The following BMP5 variants were observed in gnomAD, a reference collection of about 807,000 sequenced individuals.
The protein encoded by BMP5 is bone morphogenetic protein 5.
Under a neutral mutation model 46.6 loss-of-function variants are expected in BMP5, and 23 were observed. That is an observed-to-expected ratio of 0.49 (90% CI 0.35 to 0.70). The LOEUF is 0.70. BMP5 is among the 30% of genes least tolerant of loss of function. BMP5 has a pLI of 0.00. For missense variants in BMP5, 545 were observed against 565.6 expected (o/e 0.96, Z 0.37); for synonymous variants, 204 against 191.9 (o/e 1.06, Z -0.52).
intron 1 of BMP5, among the ~76,000 whole-genome samples, chr6:55,871,920 T>G (rs1245001356): frequency 6.6e-6 from 1 of 151,844 alleles, no homozygotes; most frequent in Non-Finnish European, 1.5e-5. Context: ...TATATGCATG[T>G]CTTTTAAGAC....
intron 1 of BMP5, among the ~76,000 whole-genome samples, chr6:55,853,180 A>G (rs192948542): frequency 1.6e-4 from 21 of 131,712 alleles, no homozygotes; most frequent in East Asian, 1.2e-3. Flanking sequence ...AATAAAATAA[A>G]ATAAAATAAA....
chr6:55,865,265 A>G, intron 1 of BMP5: 1 of 327,894 alleles, frequency 3.0e-6, no homozygotes, highest in Non-Finnish European at 5.9e-6. Context: ...TAGACTGTCC[A>G]TGTCTTTACA....
intron 1 of BMP5, among the ~76,000 whole-genome samples, chr6:55,856,480 G>A (rs1021471677): frequency 3.3e-5 from 5 of 152,090 alleles, no homozygotes; most frequent in Non-Finnish European, 5.9e-5. Flanking sequence ...GTATTATTTT[G>A]CATACCTACC....
chr6:55,805,719 C>G (rs1015230651), intron 2 of BMP5, among the ~76,000 whole-genome samples: 1 of 152,168 alleles, frequency 6.6e-6, no homozygotes, highest in African/African-American at 2.4e-5. Flanking sequence ...CACATCCTCA[C>G]CAGCATCTAT....
rs147383812 is a variant in BMP5, at chr6:55,796,486, T to A, written c.684-2059A>T. On this transcript the variant is annotated intron_variant, in intron 2 of 6. Transcript: ENST00000370830. Reference sequence around the variant, plus strand: ...ATATATATATTTTTTTCTTATGGAATTTGTATTTTTTTTCTTTTTTTTTAT... The same window carrying A: ...ATATATATATTTTTTTCTTATGGAAATTGTATTTTTTTTCTTTTTTTTTAT... 1.2e-4 allele frequency among the ~76,000 whole-genome samples: 18 copies of A among 151,950 alleles called. No individual in the cohort carries two copies. The East Asian group carries it at 3.5e-3, about 29-fold the overall frequency.
At chr6:55,849,684 A>G (rs1192370960) in intron 1 of BMP5, among the ~76,000 whole-genome samples, 1 of 152,112 alleles carries the variant, frequency 6.6e-6, no homozygotes, top group Non-Finnish European at 1.5e-5. Flanking sequence ...GAATTTTATT[A>G]TATGTAAGAT....
At chr6:55,815,150 AAAG>A (rs1330057319) in intron 2 of BMP5, among the ~76,000 whole-genome samples, 3 of 151,788 alleles carry the variant, frequency 2.0e-5, no homozygotes, top group African/African-American at 7.3e-5. Context: ...AAAAAAAAAA[AAAG>A]AATTGAATTA....
At chr6:55,798,776 A>G (rs1775776053) in intron 2 of BMP5, among the ~76,000 whole-genome samples, 1 of 152,218 alleles carries the variant, frequency 6.6e-6, no homozygotes, top group Non-Finnish European at 1.5e-5. Flanking sequence ...CCAGAAGTTT[A>G]AACATGTCTA....
rs188879027 is a variant in BMP5, at chr6:55,799,651, G to A, written c.684-5224C>T. ...TCCTTGTGTAAGAGCAGGTACTTACGCAAATTCTGCCTTTAGGTCAAACAA... is the reference window on the plus strand; with the variant it reads ...TCCTTGTGTAAGAGCAGGTACTTACACAAATTCTGCCTTTAGGTCAAACAA... On this transcript the variant is annotated intron_variant, in intron 2 of 6. Transcript: ENST00000370830. Among the ~76,000 whole-genome samples the A allele has an allele frequency of 1.6e-3, 243 of 152,124 alleles. 1 individual carries two copies. The highest frequency in any genetic ancestry group is 6.8e-3 in the Middle Eastern group (2 of 294).
At position 55,771,807 on chromosome 6, in the gene BMP5, CCTT is replaced by C. The variant is rs1775053577; in HGVS notation, c.1027+2239_1027+2241del. On this transcript the variant is annotated intron_variant, in intron 4 of 6. Transcript: ENST00000370830. ...TCCCTAACTCCATCCCCATCCCACC[CCTT>C]CTTATCCATAGAGCCTTTGCACAAT... Among the ~76,000 whole-genome samples, 4 of 151,838 alleles carry C rather than the reference CCTT, an allele frequency of 2.6e-5. No individual in the cohort carries two copies. The South Asian group carries it at 8.3e-4, about 31-fold the overall frequency.
At chr6:55,822,060 G>A (rs1776422076) in intron 1 of BMP5, among the ~76,000 whole-genome samples, 1 of 152,034 alleles carries the variant, frequency 6.6e-6, no homozygotes, top group African/African-American at 2.4e-5. Context: ...AGCCTACAAG[G>A]TAGGTTCTCT....
In BMP5 at chr6:55,853,422, A is replaced by AT. The variant is rs542437027; in HGVS notation, c.490+20953dup. Among the ~76,000 whole-genome samples, 70 of 145,984 alleles carry AT rather than the reference A, an allele frequency of 4.8e-4. 1 individual carries two copies. In the East Asian group the frequency reaches 0.013, roughly 28 times the overall value. ...TTTTATTGCATGCCATTAATCTCCTATTAACATCATTGCTGTACCAAGGTT... is the reference window on the plus strand; with the variant it reads ...TTTTATTGCATGCCATTAATCTCCTATTTAACATCATTGCTGTACCAAGGTT... On this transcript the variant is annotated intron_variant, in intron 1 of 6. Transcript: ENST00000370830.
intron 2 of BMP5, among the ~76,000 whole-genome samples, chr6:55,809,284 G>A (rs549193967): frequency 6.6e-6 from 1 of 152,224 alleles, no homozygotes; most frequent in African/African-American, 2.4e-5. Context: ...TATATGAGTT[G>A]TATGCATTAT....
chr6:55,805,982 G>A (rs185270409), intron 2 of BMP5, among the ~76,000 whole-genome samples: 6 of 152,118 alleles, frequency 3.9e-5, no homozygotes, highest in Admixed American at 1.3e-4. Context: ...TTCATCAGAT[G>A]AGTAGAATAC....
At chr6:55,834,031 A>T (rs961437116) in intron 1 of BMP5, among the ~76,000 whole-genome samples, 1 of 152,196 alleles carries the variant, frequency 6.6e-6, no homozygotes, top group African/African-American at 2.4e-5. Flanking sequence ...AATGATTATC[A>T]TTTAGCCACC....
chr6:55,843,004 T>C (rs910552446), intron 1 of BMP5, among the ~76,000 whole-genome samples: 1 of 152,170 alleles, frequency 6.6e-6, no homozygotes, highest in African/African-American at 2.4e-5. Flanking sequence ...TTACACCAGA[T>C]GCAGCCTCCT....
chr6:55,794,218 AC>A (rs1235135902), intron 3 of BMP5, 60 bp downstream of exon 3: 2 of 1,576,124 alleles, frequency 1.3e-6, no homozygotes, highest in African/African-American at 2.7e-5. Context: ...CACATAAAAA[AC>A]GATAACTCTC....
At chr6:55,864,596 C>G (rs987952959) in intron 1 of BMP5, among the ~76,000 whole-genome samples, 1 of 152,150 alleles carries the variant, frequency 6.6e-6, no homozygotes, top group African/African-American at 2.4e-5. Flanking sequence ...ATAAATTACT[C>G]AGTCTCAGGT....
At chr6:55,798,658 T>C (rs1775773091) in intron 2 of BMP5, among the ~76,000 whole-genome samples, 1 of 152,152 alleles carries the variant, frequency 6.6e-6, no homozygotes, top group Non-Finnish European at 1.5e-5. Context: ...AGATATGAAA[T>C]ATTTTGGAAT....
Sources: gnomAD v4.1 joint callset for allele counts (sites outside exome capture counted in the v4.1 genomes callset) on GRCh38, gnomAD v4.1.1 for gene constraint, MANE v1.5 for transcripts, NCBI Gene and HGNC (gene_info 2026-07-23, HGNC 2026-07-21) for gene names.